Variants in CDH20 observed in about 807,000 individuals in gnomAD.
CDH20 encodes cadherin 20.
Under a neutral mutation model 74.2 loss-of-function variants are expected in CDH20, and 29 were observed. That is an observed-to-expected ratio of 0.39 (90% CI 0.29 to 0.53). The LOEUF is 0.53. Among genes scored for constraint, CDH20 ranks in the 20% least tolerant of loss-of-function variants. The probability of loss-of-function intolerance (pLI) is 0.69; values close to 1 mark genes in which losing one functional copy is unlikely to be tolerated. For missense variants in CDH20, 988 were observed against 1,048.3 expected, an observed-to-expected ratio of 0.94 and a Z score of 0.79; for synonymous variants, 469 against 405.4, an observed-to-expected ratio of 1.16 and a Z score of -1.88.
intron 1 of CDH20, among the ~76,000 whole-genome samples, chr18:61,412,873 A>C (rs1599067822): frequency 1.3e-5 from 2 of 152,298 alleles, no homozygotes; most frequent in East Asian, 1.9e-4. Flanking sequence ...GGATACACAC[A>C]AGTATGTGAA....
intron 7 of CDH20, among the ~76,000 whole-genome samples, chr18:61,535,973 A>G (rs1443701699): frequency 6.6e-6 from 1 of 152,164 alleles, no homozygotes; most frequent in African/African-American, 2.4e-5. Flanking sequence ...CCATTATTGT[A>G]TTTGCCAGAA....
intron 1 of CDH20, among the ~76,000 whole-genome samples, chr18:61,411,633 CCACA>C (rs138526165): frequency 8.4e-5 from 12 of 143,116 alleles, no homozygotes; most frequent in South Asian, 6.8e-4. Context: ...AGATATGTAT[CCACA>C]CACACACACA....
chr18:61,416,207 CTA>C (rs1385719165), intron 1 of CDH20, among the ~76,000 whole-genome samples: 2 of 152,120 alleles, frequency 1.3e-5, no homozygotes, highest in Non-Finnish European at 2.9e-5. Context: ...TAAATAATAA[CTA>C]TCAGTCCTTA....
chr18:61,363,939 GAAGA>G (rs1483132201), intron 1 of CDH20, among the ~76,000 whole-genome samples: 6 of 152,138 alleles, frequency 3.9e-5, no homozygotes, highest in Non-Finnish European at 7.4e-5. Context: ...AGAATGAAAA[GAAGA>G]AAGAAAGGGA....
In CDH20 at chr18:61,527,365, TAATA is replaced by T. The variant is rs748069368; in HGVS notation, c.1018-601_1018-598del. ...CTAGGCCTCAGTTGCATGAATATTC[TAATA>T]GATAGATAGATAGATAGATAGATAG... On this transcript the variant is annotated intron_variant, in intron 6 of 11. Transcript: ENST00000262717. Among the ~76,000 whole-genome samples the T allele has an allele frequency of 1.5e-3, 187 of 126,066 alleles. 1 individual carries two copies. Among genetic ancestry groups the T allele is most frequent in the African/African-American group, 5.1e-3 (167 of 32,738 alleles). The allele number at this position is 126,066 out of a possible 152,430, so 82.7% of individuals were successfully genotyped here.
chr18:61,475,829 TCTTTA>T (rs1008507452), intron 1 of CDH20, among the ~76,000 whole-genome samples: 121 of 149,306 alleles, frequency 8.1e-4, no homozygotes, highest in Non-Finnish European at 1.4e-3. Flanking sequence ...AGAATTCTCT[TCTTTA>T]GAGACACCTG....
At chr18:61,428,213 G>T (rs1913136876) in intron 1 of CDH20, among the ~76,000 whole-genome samples, 2 of 152,146 alleles carry the variant, frequency 1.3e-5, no homozygotes, top group Admixed American at 1.3e-4. Context: ...TATAGGGTGG[G>T]GAGGTGTCAG....
intron 9 of CDH20, among the ~76,000 whole-genome samples, chr18:61,542,029 C>T (rs1332465829): frequency 6.6e-6 from 1 of 152,206 alleles, no homozygotes; most frequent in Admixed American, 6.5e-5. Context: ...CTCTGTGCCT[C>T]AGGCCCCAGT....
chr18:61,442,803 AGGT>A (rs1909075800), intron 1 of CDH20, among the ~76,000 whole-genome samples: 3 of 152,178 alleles, frequency 2.0e-5, no homozygotes, highest in Non-Finnish European at 4.4e-5. Flanking sequence ...TCTCTTGGGA[AGGT>A]TAGCAGTAAT....
chr18:61,370,658 T>C (rs888562090), intron 1 of CDH20, among the ~76,000 whole-genome samples: 1 of 152,114 alleles, frequency 6.6e-6, no homozygotes, highest in African/African-American at 2.4e-5. Context: ...GCACTTAAAA[T>C]GTACCCTCCG....
At chr18:61,361,254 T>C (rs955663789) in intron 1 of CDH20, among the ~76,000 whole-genome samples, 11 of 152,172 alleles carry the variant, frequency 7.2e-5, no homozygotes, top group Admixed American at 7.2e-4. Flanking sequence ...CTCAAGGACA[T>C]CCATTATACC....
chr18:61,472,867 A>T (rs1910234452), intron 1 of CDH20, among the ~76,000 whole-genome samples: 1 of 152,204 alleles, frequency 6.6e-6, no homozygotes, highest in Non-Finnish European at 1.5e-5. Context: ...AATTTCTTTC[A>T]TGGCTTCTGA....
intron 1 of CDH20, among the ~76,000 whole-genome samples, chr18:61,409,976 T>C (rs529308462): frequency 1.1e-4 from 16 of 152,330 alleles, no homozygotes; most frequent in African/African-American, 3.4e-4. Flanking sequence ...TTTGAACCTT[T>C]TCTGGTTCTG....
At chr18:61,496,363 G>A (rs532041550) in intron 2 of CDH20, among the ~76,000 whole-genome samples, 41 of 143,534 alleles carry the variant, frequency 2.9e-4, no homozygotes, top group African/African-American at 1.0e-3. Context: ...CCGGTGCTCC[G>A]AACCTCCTGG....
chr18:61,537,286 A>T (rs1256699991), intron 8 of CDH20, among the ~76,000 whole-genome samples: 1 of 152,118 alleles, frequency 6.6e-6, no homozygotes, highest in Non-Finnish European at 1.5e-5. Flanking sequence ...ATGTATTGAG[A>T]TTCTCCAAAA....
intron 1 of CDH20, among the ~76,000 whole-genome samples, chr18:61,335,818 G>T (rs1909739589): frequency 6.6e-6 from 1 of 152,228 alleles, no homozygotes; most frequent in East Asian, 1.9e-4. Flanking sequence ...TACATTTTTA[G>T]CATGTGTGCC....
chr18:61,484,143 T>C (rs998852939), intron 1 of CDH20, among the ~76,000 whole-genome samples: 1 of 152,230 alleles, frequency 6.6e-6, no homozygotes, highest in Admixed American at 6.5e-5. Context: ...AGAAGAATGT[T>C]AGCCACATAA....
intron 1 of CDH20, among the ~76,000 whole-genome samples, chr18:61,405,372 G>A (rs1223815333): frequency 6.6e-6 from 1 of 152,114 alleles, no homozygotes. Flanking sequence ...GATGGCTTGA[G>A]GCCAGGAGTC....
chr18:61,371,805 G>T (rs928181294), intron 1 of CDH20, among the ~76,000 whole-genome samples: 5 of 74,354 alleles, frequency 6.7e-5, no homozygotes, highest in African/African-American at 2.4e-4. Context: ...CATTCATTAC[G>T]GTATAGGAAA....
Sources: allele counts gnomAD v4.1 joint callset (sites outside exome capture counted in the v4.1 genomes callset), GRCh38; gene constraint gnomAD v4.1.1; transcripts MANE v1.5; gene names NCBI Gene and HGNC (gene_info 2026-07-23, HGNC 2026-07-21).